The following KAT2B variants were observed in gnomAD, a reference collection of about 807,000 sequenced individuals.
The protein encoded by KAT2B is histone acetyltransferase KAT2B.
KAT2B carries 36 observed loss-of-function variants against 105.9 expected under a neutral mutation model. That is an observed-to-expected ratio of 0.34 (90% CI 0.26 to 0.45). The LOEUF is 0.45. Among genes scored for constraint, KAT2B ranks in the 20% least tolerant of loss-of-function variants. The pLI is 1.00. For synonymous variants in KAT2B, 397 were observed against 377.9 expected (o/e 1.05, Z -0.59); for missense variants, 820 against 1,021.6 (o/e 0.80, Z 2.69).
At chr3:20,088,213 T>C (rs887506839) in intron 2 of KAT2B, among the ~76,000 whole-genome samples, 3 of 152,272 alleles carry the variant, frequency 2.0e-5, no homozygotes, top group African/African-American at 7.2e-5. Context: ...GCAGTGAATA[T>C]GGGAATGCAG....
intron 14 of KAT2B, among the ~76,000 whole-genome samples, chr3:20,147,025 T>TA (rs1699793378): frequency 6.6e-6 from 1 of 152,232 alleles, no homozygotes; most frequent in Non-Finnish European, 1.5e-5. Flanking sequence ...GTCTGTATGT[T>TA]AGAGTTGAGT....
intron 8 of KAT2B, among the ~76,000 whole-genome samples, chr3:20,120,048 A>G (rs889553335): frequency 1.3e-5 from 2 of 152,066 alleles, no homozygotes; most frequent in African/African-American, 4.8e-5. Context: ...GCTTGGCTAG[A>G]GCACTTAAGC....
rs1446814820 is a variant in KAT2B, at chr3:20,127,369, GTATATTTATA to G, written c.1623-51_1623-42del. On this transcript the variant is annotated intron_variant, in intron 10 of 17. Transcript: ENST00000263754. ...TGGTTAATAAGGAACACCCCAAAAAGTATATTTATATAACTAGGATAGGTAAAACTTTGAC... is the reference window on the plus strand; with the variant it reads ...TGGTTAATAAGGAACACCCCAAAAAGTAACTAGGATAGGTAAAACTTTGAC... 55 of 1,517,626 alleles carry G rather than the reference GTATATTTATA, an allele frequency of 3.6e-5. No homozygotes were observed. The African/African-American group carries it at 6.5e-4, about 18-fold the overall frequency. 94.0% of individuals were successfully genotyped at this position (1,517,626 alleles called of 1,614,324 possible). A position where few individuals can be genotyped will look rare whatever the true frequency, so the allele number is the denominator to read the frequency against.
At chr3:20,102,912 A>G (rs1397054938) in intron 5 of KAT2B, among the ~76,000 whole-genome samples, 1 of 152,174 alleles carries the variant, frequency 6.6e-6, no homozygotes, top group African/African-American at 2.4e-5. Flanking sequence ...ATTTTCTGTA[A>G]CAGCAGATAA....
chr3:20,099,897 T>A lies in KAT2B; in HGVS notation c.612T>A (p.Pro204=). The A allele has an allele frequency of 1.2e-6, 2 of 1,609,084 alleles. No homozygotes were observed. Among genetic ancestry groups the A allele is most frequent in the Middle Eastern group, 3.3e-4 (2 of 6,036 alleles). The change falls in exon 4 of 18, where the codon CCT becomes CCA. Residue 204 remains proline (P), a synonymous_variant. Transcript: ENST00000263754. The part of the protein sequence containing the change: ...LRKSILQRGK[P]VVEGSLEKKP... Reference sequence around the variant, plus strand: ...AGTCTATTTTACAAAGAGGAAAACCTGTGGTTGAAGGCTCTTTGGAAAAGA... The same window carrying A: ...AGTCTATTTTACAAAGAGGAAAACCAGTGGTTGAAGGCTCTTTGGAAAAGA...
chr3:20,063,437 C>T (rs1316591780), intron 1 of KAT2B, among the ~76,000 whole-genome samples: 3 of 140,884 alleles, frequency 2.1e-5, no homozygotes, highest in Non-Finnish European at 3.1e-5. Context: ...TTCTTTCTTT[C>T]TTTCTTTTTT....
chr3:20,069,347 GGTTT>G (rs1301651020), intron 1 of KAT2B, among the ~76,000 whole-genome samples: 1 of 152,042 alleles, frequency 6.6e-6, no homozygotes, highest in Non-Finnish European at 1.5e-5. Flanking sequence ...GTTTTAGCAA[GGTTT>G]GTTATGTAGA....
intron 11 of KAT2B, among the ~76,000 whole-genome samples, chr3:20,136,016 C>G (rs1575155228): frequency 1.3e-5 from 2 of 152,238 alleles, no homozygotes; most frequent in East Asian, 3.9e-4. Flanking sequence ...TGATAGATGG[C>G]AAAAGACCTC....
intron 15 of KAT2B, 116 bp from the exon 16 acceptor site, chr3:20,148,127 A>G (rs745603833): frequency 2.3e-5 from 32 of 1,369,026 alleles, no homozygotes; most frequent in Non-Finnish European, 2.2e-5. Flanking sequence ...GAGTTTCCTA[A>G]AACATTCTGG....
chr3:20,072,118 C>T (rs982648037), intron 1 of KAT2B, among the ~76,000 whole-genome samples: 7 of 152,186 alleles, frequency 4.6e-5, no homozygotes, highest in Admixed American at 2.6e-4. Flanking sequence ...CATGCAGATT[C>T]CAGCCAGCAG....
At chr3:20,059,860 C>T (rs542894111) in intron 1 of KAT2B, among the ~76,000 whole-genome samples, 1 of 152,310 alleles carries the variant, frequency 6.6e-6, no homozygotes, top group African/African-American at 2.4e-5. Flanking sequence ...CCATCACCTC[C>T]AAAGGATCCT....
Position 20,148,014 on chromosome 3 carries a change from C to CA in KAT2B, c.2156+17dup. ...AAAGAGAAAAGGTAAGTATGACGGG[C>CA]AAGAGGATGTTAATGGAAGTGATTT... is the stretch of plus-strand genomic sequence containing the variant. On this transcript the variant is annotated intron_variant, in intron 15 of 17. Coordinates refer to ENST00000263754, the MANE Select transcript of KAT2B (RefSeq NM_003884.5). The CA allele has an allele frequency of 6.2e-7, 1 of 1,611,052 alleles. No individual in the cohort carries two copies. The highest frequency in any genetic ancestry group is 8.5e-7 in the Non-Finnish European group (1 of 1,178,004).
intron 1 of KAT2B, among the ~76,000 whole-genome samples, chr3:20,065,711 A>G (rs1698210863): frequency 6.6e-6 from 1 of 152,120 alleles, no homozygotes; most frequent in Non-Finnish European, 1.5e-5. Flanking sequence ...ATCCTGCAAA[A>G]AATACTGAAA....
chr3:20,115,099 T>A, intron 7 of KAT2B, 111 bp downstream of exon 7: 1 of 663,544 alleles, frequency 1.5e-6, no homozygotes. Context: ...AGCTTAGCTC[T>A]ATAGTCAAAT....
intron 1 of KAT2B, among the ~76,000 whole-genome samples, chr3:20,052,731 G>A (rs1300604823): frequency 1.3e-5 from 2 of 152,066 alleles, no homozygotes; most frequent in African/African-American, 4.8e-5. Context: ...ACTTTAGGAG[G>A]CTGAGGTGGT....
intron 5 of KAT2B, among the ~76,000 whole-genome samples, chr3:20,110,436 C>T (rs369368393): frequency 1.6e-4 from 24 of 151,822 alleles, no homozygotes; most frequent in African/African-American, 5.8e-4. Context: ...TTTGGGAAGC[C>T]GAGGTGGGTG....
intron 13 of KAT2B, 102 bp downstream of exon 13, chr3:20,140,466 A>C: frequency 8.4e-7 from 1 of 1,193,084 alleles, no homozygotes; most frequent in Non-Finnish European, 1.2e-6. Context: ...CTGGATAGCA[A>C]ACTCTCGGTT....
intron 14 of KAT2B, among the ~76,000 whole-genome samples, chr3:20,147,718 C>T (rs746335151): frequency 2.0e-5 from 3 of 152,174 alleles, no homozygotes; most frequent in Non-Finnish European, 4.4e-5. Context: ...TTTTTATGCT[C>T]TCCACTGAAA....
chr3:20,059,101 G>A (rs1388414199), intron 1 of KAT2B, among the ~76,000 whole-genome samples: 1 of 152,108 alleles, frequency 6.6e-6, no homozygotes, highest in Non-Finnish European at 1.5e-5. Context: ...GACTCCAGGT[G>A]TTGTTTTTTA....
Sources: allele counts gnomAD v4.1 joint callset (sites outside exome capture counted in the v4.1 genomes callset), GRCh38; gene constraint gnomAD v4.1.1; transcripts MANE v1.5; gene names NCBI Gene and HGNC (gene_info 2026-07-23, HGNC 2026-07-21).